NARS2: variants seen among roughly 807,000 people sequenced by gnomAD.
NARS2 encodes the protein asparaginyl-tRNA synthetase 2, mitochondrial.
In NARS2, 60 loss-of-function variants were observed where a neutral mutation model predicts 62.9. That is an observed-to-expected ratio of 0.95 (90% CI 0.77 to 1.18). The LOEUF (loss-of-function observed/expected upper bound fraction) is 1.18. Ranked by LOEUF, NARS2 falls within the 50% of genes most tolerant of loss-of-function variation. The pLI is 0.00. For missense variants in NARS2, 619 were observed against 576.4 expected (o/e 1.07, Z -0.76); for synonymous variants, 196 against 200.0 (o/e 0.98, Z 0.17).
intron 11 of NARS2, among the ~76,000 whole-genome samples, chr11:78,464,895 C>T (rs1858551772): frequency 6.6e-6 from 1 of 152,250 alleles, no homozygotes; most frequent in Admixed American, 6.5e-5. Flanking sequence ...ACTCAGGAGC[C>T]CAGCTGGCTT....
chr11:78,464,092 C>G (rs552339723), intron 11 of NARS2, among the ~76,000 whole-genome samples: 1 of 152,162 alleles, frequency 6.6e-6, no homozygotes, highest in African/African-American at 2.4e-5. Context: ...GAGTTTCTTC[C>G]TTCTGGTGGG....
rs1340317149 is a variant in NARS2, at chr11:78,503,138, T to C, written c.690-9943A>G. Reference sequence around the variant, plus strand: ...ACTGAGGCTTAGACAAGTGAGTAAATAGTCCAGAGCACCACAATCAAAGCT... The same window carrying C: ...ACTGAGGCTTAGACAAGTGAGTAAACAGTCCAGAGCACCACAATCAAAGCT... On this transcript the variant is annotated intron_variant, in intron 6 of 13. Coordinates refer to ENST00000281038, the MANE Select transcript of NARS2 (RefSeq NM_024678.6). 2.0e-5 allele frequency among the ~76,000 whole-genome samples: 3 copies of C among 151,864 alleles called. No homozygotes were observed. The East Asian group carries it at 5.8e-4, about 29-fold the overall frequency.
At chr11:78,478,403 A>G (rs1859199534) in intron 9 of NARS2, 35 bp downstream of exon 9, 1 of 916,482 alleles carries the variant, frequency 1.1e-6, no homozygotes, top group African/African-American at 1.7e-5. Context: ...TACAGTGATA[A>G]TGAATAAAGT....
At chr11:78,456,780 C>T (rs1365417639) in intron 11 of NARS2, among the ~76,000 whole-genome samples, 2 of 152,134 alleles carry the variant, frequency 1.3e-5, no homozygotes, top group Admixed American at 6.5e-5. Context: ...CTCTGTGAAG[C>T]CACTCCCCCA....
intron 5 of NARS2, among the ~76,000 whole-genome samples, chr11:78,531,274 C>T (rs773467424): frequency 2.0e-5 from 3 of 151,668 alleles, no homozygotes; most frequent in Non-Finnish European, 4.4e-5. Flanking sequence ...GCAGAATATA[C>T]GTTTTTTTCA....
chr11:78,529,785 C>G (rs1456345390), intron 5 of NARS2, among the ~76,000 whole-genome samples: 2 of 152,152 alleles, frequency 1.3e-5, no homozygotes, highest in African/African-American at 2.4e-5. Context: ...TTCAGCCTCC[C>G]AAAGTGCTGG....
chr11:78,571,885 G>A (rs1856937524), intron 1 of NARS2, among the ~76,000 whole-genome samples: 2 of 152,064 alleles, frequency 1.3e-5, no homozygotes. Context: ...TCTCCTCTTT[G>A]GTGATTCTAA....
At chr11:78,493,406 G>A (rs1407290797) in intron 6 of NARS2, among the ~76,000 whole-genome samples, 1 of 152,178 alleles carries the variant, frequency 6.6e-6, no homozygotes, top group Non-Finnish European at 1.5e-5. Flanking sequence ...AGTGGCTCAG[G>A]TCTGTAATCC....
chr11:78,543,147 T>G (rs1229913743), intron 5 of NARS2, among the ~76,000 whole-genome samples: 3 of 152,040 alleles, frequency 2.0e-5, no homozygotes, highest in Non-Finnish European at 4.4e-5. Flanking sequence ...CACTGCACTC[T>G]AGCCTGGGCA....
At chr11:78,497,455 A>G (rs148238843) in intron 6 of NARS2, among the ~76,000 whole-genome samples, 22 of 152,284 alleles carry the variant, frequency 1.4e-4, no homozygotes, top group African/African-American at 3.1e-4. Flanking sequence ...CTTATTCAGC[A>G]TAAGACTGAT....
intron 7 of NARS2, among the ~76,000 whole-genome samples, chr11:78,481,617 C>G (rs1398241746): frequency 6.6e-6 from 1 of 151,986 alleles, no homozygotes; most frequent in Non-Finnish European, 1.5e-5. Flanking sequence ...ATATACTCCA[C>G]AAATAAGTTG....
chr11:78,468,310 G>GGAAAAAAAAAAAAAAAAAAA (rs1555015326), intron 10 of NARS2, among the ~76,000 whole-genome samples: 10 of 67,426 alleles, frequency 1.5e-4, no homozygotes, highest in East Asian at 3.7e-4. Flanking sequence ...CACTAAATCT[G>GGAAAAAAAAAAAAAAAAAAA]AAAAAAAAAA....
intron 11 of NARS2, among the ~76,000 whole-genome samples, chr11:78,459,791 T>G (rs1000034421): frequency 6.8e-6 from 1 of 146,544 alleles, no homozygotes; most frequent in Non-Finnish European, 1.5e-5. Context: ...TCTTTTGACA[T>G]AGAGGAAAGT....
intron 7 of NARS2, among the ~76,000 whole-genome samples, chr11:78,484,121 CA>C (rs1331187833): frequency 1.3e-5 from 2 of 151,968 alleles, no homozygotes; most frequent in Admixed American, 6.6e-5. Flanking sequence ...ACAAACCTGA[CA>C]AAAACAAGAA....
intron 5 of NARS2, among the ~76,000 whole-genome samples, chr11:78,551,857 A>C (rs779471976): frequency 1.3e-5 from 2 of 152,024 alleles, no homozygotes; most frequent in Non-Finnish European, 2.9e-5. Context: ...GTCTCAAAAA[A>C]AAACAAAAAA....
intron 5 of NARS2, among the ~76,000 whole-genome samples, chr11:78,534,206 A>G (rs917633185): frequency 2.0e-5 from 3 of 152,188 alleles, no homozygotes; most frequent in East Asian, 1.9e-4. Context: ...TGGTTGGAGT[A>G]TATCTAGTTT....
At chr11:78,522,455 G>A (rs1280541692) in intron 6 of NARS2, among the ~76,000 whole-genome samples, 5 of 152,152 alleles carry the variant, frequency 3.3e-5, no homozygotes, top group Admixed American at 1.3e-4. Context: ...ATTTCATTAT[G>A]TAATAATTTA....
At chr11:78,547,508 A>T (rs1041482486) in intron 5 of NARS2, among the ~76,000 whole-genome samples, 4 of 149,196 alleles carry the variant, frequency 2.7e-5, no homozygotes, top group African/African-American at 1.0e-4. Flanking sequence ...ATGAGGCAGA[A>T]GCAGTAAGAG....
chr11:78,477,082 A>T (rs1013737520), intron 9 of NARS2, among the ~76,000 whole-genome samples: 1 of 152,186 alleles, frequency 6.6e-6, no homozygotes, highest in African/African-American at 2.4e-5. Context: ...CAAATGGTGA[A>T]TATTATTTCT....
Sources: gnomAD v4.1 joint callset for allele counts (sites outside exome capture counted in the v4.1 genomes callset) on GRCh38, gnomAD v4.1.1 for gene constraint, MANE v1.5 for transcripts, NCBI Gene and HGNC (gene_info 2026-07-23, HGNC 2026-07-21) for gene names.